ZMYM1: variants seen among roughly 807,000 people sequenced by gnomAD.
ZMYM1 encodes the protein zinc finger MYM-type protein 1.
A neutral mutation model predicts 60.0 loss-of-function variants in ZMYM1; 39 were observed. The observed-to-expected ratio is 0.65, with a 90% CI of 0.50 to 0.85. The LOEUF (loss-of-function observed/expected upper bound fraction) is 0.85, where lower values mean the gene tolerates loss of function less well. Ranked by LOEUF, ZMYM1 falls within the 40% of genes least tolerant of loss-of-function variation. The pLI, the probability that ZMYM1 is intolerant of heterozygous loss-of-function variation, is 0.00. For missense variants in ZMYM1, 1,171 were observed against 1,309.5 expected (o/e 0.89, Z 1.63); for synonymous variants, 413 against 454.0 (o/e 0.91, Z 1.15).
In ZMYM1 at chr1:35,114,761, A is replaced by G. The variant is rs749906042; in HGVS notation, c.2931A>G (p.Gln977=). 9.6e-5 allele frequency: 153 copies of G among 1,592,816 alleles called. 3 individuals carry two copies. In the South Asian group the frequency reaches 1.1e-3, roughly 11 times the overall value. The change falls in exon 10 of 10, where the codon CAA becomes CAG. Residue 977 remains glutamine, a synonymous_variant. Transcript: ENST00000359858. ...IYYQGLDTIL[Q]NLKLCFSEFD... ...ACCAAGGATTAGATACTATATTACA[A>G]AATTTAAAGTTATGTTTTTCGGAGT...
intron 1 of ZMYM1, among the ~76,000 whole-genome samples, chr1:35,063,859 C>T (rs1641919807): frequency 6.6e-6 from 1 of 152,166 alleles, no homozygotes; most frequent in Non-Finnish European, 1.5e-5. Flanking sequence ...TCCGTCTTTA[C>T]TTCCACTGTG....
At position 35,097,446 on chromosome 1, in the gene ZMYM1, A is replaced by G. The variant is rs1643394910; in HGVS notation, c.299A>G (p.Gln100Arg). The G allele has an allele frequency of 1.2e-6, 2 of 1,614,198 alleles. No homozygotes were observed. The highest frequency in any genetic ancestry group is 8.5e-7 in the Non-Finnish European group (1 of 1,180,032). The change falls in exon 4 of 10, where the codon CAA (glutamine) becomes CGA (arginine). Residue 100 changes from glutamine to arginine, a missense_variant. Coordinates refer to ENST00000359858, the MANE Select transcript of ZMYM1 (RefSeq NM_024772.5). ...AGCKKILQKGQTAYQRKGSAQ... is the reference protein window; with the variant it reads ...AGCKKILQKGRTAYQRKGSAQ... ...TGTAAAAAAATTCTCCAGAAGGGGC[A>G]AACTGCTTATCAGAGGAAAGGATCT... is the stretch of plus-strand genomic sequence containing the variant.
Position 35,097,564 on chromosome 1 carries a change from A to T in ZMYM1, c.417A>T (p.Ser139=), listed in dbSNP as rs1416122845. ...VPSKRTCSNC[S]KDILNPKDVI... Reference sequence around the variant, plus strand: ...CTAAGAGAACTTGTTCAAACTGCTCAAAGTATATAATTCTAAATTATGCCC... The same window carrying T: ...CTAAGAGAACTTGTTCAAACTGCTCTAAGTATATAATTCTAAATTATGCCC... The change falls in exon 4 of 10, where the codon TCA becomes TCT. Residue 139 remains serine (S), a splice_region_variant and synonymous_variant. Transcript: ENST00000359858. 1 of 1,614,010 alleles carries T rather than the reference A, an allele frequency of 6.2e-7. No individual in the cohort carries two copies. The highest frequency in any genetic ancestry group is 1.3e-5 in the African/African-American group (1 of 74,944).
chr1:35,081,683 G>T (rs1557639232), intron 1 of ZMYM1, among the ~76,000 whole-genome samples: 2 of 152,104 alleles, frequency 1.3e-5, no homozygotes, highest in East Asian at 3.9e-4. Flanking sequence ...CTAGTATAAA[G>T]AAATAAAATT....
Position 35,104,789 on chromosome 1 carries a change from G to A in ZMYM1, c.807+20G>A, listed in dbSNP as rs753638518. ...AAGCAGGTATGAATAAAGACCTATT[G>A]TTTCTTCTATTAACTGGCCTATGAA... On this transcript the variant is annotated intron_variant, in intron 6 of 9. Coordinates refer to ENST00000359858, the MANE Select transcript of ZMYM1 (RefSeq NM_024772.5). The A allele has an allele frequency of 1.3e-5, 20 of 1,588,336 alleles. No individual in the cohort carries two copies. The highest frequency in any genetic ancestry group is 1.6e-5 in the Non-Finnish European group (18 of 1,158,688).
At chr1:35,102,497 TG>T (rs1643713401) in intron 4 of ZMYM1, among the ~76,000 whole-genome samples, 1 of 152,238 alleles carries the variant, frequency 6.6e-6, no homozygotes, top group African/African-American at 2.4e-5. Flanking sequence ...TTTTAAGTTT[TG>T]GGTATCGATC....
chr1:35,093,984 T>C lies in ZMYM1; in HGVS notation c.-4T>C, dbSNP rs759858625. 1.3e-6 allele frequency: 2 copies of C among 1,592,866 alleles called. No individual in the cohort carries two copies. The highest frequency in any genetic ancestry group is 1.7e-6 in the Non-Finnish European group (2 of 1,170,218). On this transcript the variant is annotated 5_prime_UTR_variant, in exon 2 of 10. Transcript: ENST00000359858. ...TGGAGAATTCCTTTGCATCAGATAC[T>C]AAAATGAAAGAACCACTTTTAGGTG...
At chr1:35,061,979 G>A (rs1296325218) in intron 1 of ZMYM1, among the ~76,000 whole-genome samples, 4 of 151,572 alleles carry the variant, frequency 2.6e-5, no homozygotes, top group East Asian at 4.0e-4. Flanking sequence ...ACAAGCACGC[G>A]TCACCATGCC....
intron 1 of ZMYM1, among the ~76,000 whole-genome samples, chr1:35,091,652 T>C (rs1643009577): frequency 6.6e-6 from 1 of 150,484 alleles, no homozygotes; most frequent in Non-Finnish European, 1.5e-5. Context: ...TGAAGCACTT[T>C]GGGAGGCTGA....
At chr1:35,105,990 T>C (rs1643879636) in intron 6 of ZMYM1, among the ~76,000 whole-genome samples, 1 of 152,158 alleles carries the variant, frequency 6.6e-6, no homozygotes, top group South Asian at 2.1e-4. Context: ...TCATGGTGGC[T>C]TACACCTGTT....
chr1:35,063,947 T>C (rs1183112053), intron 1 of ZMYM1, among the ~76,000 whole-genome samples: 1 of 152,124 alleles, frequency 6.6e-6, no homozygotes, highest in East Asian at 1.9e-4. Context: ...GAGATCAAGG[T>C]GTTTACAGAT....
At chr1:35,111,947 T>C (rs762713067) in intron 8 of ZMYM1, 35 bp downstream of exon 8, 1 of 1,564,582 alleles carries the variant, frequency 6.4e-7, no homozygotes, top group Non-Finnish European at 8.7e-7. Flanking sequence ...GACATAAATA[T>C]TGTTTTGTCA....
chr1:35,066,234 G>C (rs889949331), intron 1 of ZMYM1, among the ~76,000 whole-genome samples: 1 of 152,194 alleles, frequency 6.6e-6, no homozygotes, highest in African/African-American at 2.4e-5. Context: ...TCTCTCTCTT[G>C]TTGCCCAGGC....
chr1:35,110,450 A>G lies in ZMYM1; in HGVS notation c.961+3A>G. ...AGCTAAGATGGAATCTTCTTCAGGT[A>G]ATGTTTGTTTAGCAATTGTAGGGGT... On this transcript the variant is annotated splice_donor_region_variant and intron_variant, in intron 7 of 9. Coordinates refer to ENST00000359858, the MANE Select transcript of ZMYM1 (RefSeq NM_024772.5). 6.7e-7 allele frequency: 1 copy of G among 1,484,568 alleles called. No individual in the cohort carries two copies. The highest frequency in any genetic ancestry group is 8.9e-7 in the Non-Finnish European group (1 of 1,119,690). 92.0% of individuals were successfully genotyped at this position (1,484,568 alleles called of 1,614,324 possible). A position where few individuals can be genotyped will look rare whatever the true frequency, so the allele number is the denominator to read the frequency against.
intron 6 of ZMYM1, among the ~76,000 whole-genome samples, chr1:35,108,699 ATTTTTTTTT>A (rs771920421): frequency 9.8e-4 from 105 of 106,788 alleles, no homozygotes; most frequent in Non-Finnish European, 3.3e-4. Flanking sequence ...TCCATCGGTG[ATTTTTTTTT>A]TTTTTTTTTT....
At chr1:35,108,415 G>A (rs1401632102) in intron 6 of ZMYM1, among the ~76,000 whole-genome samples, 3 of 151,950 alleles carry the variant, frequency 2.0e-5, no homozygotes, top group African/African-American at 7.2e-5. Flanking sequence ...GCAATGGCAC[G>A]ATCTCAGCTC....
intron 1 of ZMYM1, among the ~76,000 whole-genome samples, chr1:35,084,544 G>A (rs1303295975): frequency 1.3e-5 from 2 of 152,132 alleles, no homozygotes; most frequent in Non-Finnish European, 2.9e-5. Flanking sequence ...CTTTCTTCTT[G>A]GAAGTGGTCT....
At chr1:35,067,853 C>T (rs913788846) in intron 1 of ZMYM1, among the ~76,000 whole-genome samples, 2 of 151,314 alleles carry the variant, frequency 1.3e-5, no homozygotes, top group Non-Finnish European at 2.9e-5. Flanking sequence ...CCAGTCTAGG[C>T]GACAAGAGCA....
At position 35,114,893 on chromosome 1, in the gene ZMYM1, G is replaced by C. The variant is rs758566209; in HGVS notation, c.3063G>C (p.Glu1021Asp). The stretch of plus-strand genomic sequence containing the variant: ...TTCAGGAATTTTATAAACTTGATGA[G>C]GACATTATCCCAGAACTTAGATTTT... ...KHVQEFYKLDEDIIPELRFYR... is the reference protein window; with the variant it reads ...KHVQEFYKLDDDIIPELRFYR... The change falls in exon 10 of 10, where the codon GAG (glutamate) becomes GAC (aspartate). Residue 1021 changes from glutamate to aspartate, a missense_variant. Glu to Asp is a conservative substitution (Grantham distance 45). Coordinates refer to ENST00000359858, the MANE Select transcript of ZMYM1 (RefSeq NM_024772.5). 1.7e-5 allele frequency: 28 copies of C among 1,610,118 alleles called. No individual in the cohort carries two copies. Among genetic ancestry groups the C allele is most frequent in the Non-Finnish European group, 2.3e-5 (27 of 1,177,102 alleles).
Sources: allele counts gnomAD v4.1 joint callset (sites outside exome capture counted in the v4.1 genomes callset), GRCh38; gene constraint gnomAD v4.1.1; transcripts MANE v1.5; gene names NCBI Gene and HGNC (gene_info 2026-07-23, HGNC 2026-07-21).